Variants in DAZAP1 observed in about 807,000 individuals in gnomAD.
DAZAP1 encodes DAZ-associated protein 1.
DAZAP1 carries 6 observed loss-of-function variants against 60.1 expected under a neutral mutation model. That is an observed-to-expected ratio of 0.10 (90% CI 0.05 to 0.20). The LOEUF (loss-of-function observed/expected upper bound fraction) is 0.20, where lower values mean the gene tolerates loss of function less well. Ranked by LOEUF, DAZAP1 falls within the 10% of genes least tolerant of loss-of-function variation. The pLI, the probability that DAZAP1 is intolerant of heterozygous loss-of-function variation, is 1.00. For synonymous variants in DAZAP1, 235 were observed against 215.9 expected, an observed-to-expected ratio of 1.09 and a Z score of -0.78; for missense variants, 366 against 560.4, an observed-to-expected ratio of 0.65 and a Z score of 3.50.
chr19:1,431,714 C>T (rs1417542147), intron 10 of DAZAP1, among the ~76,000 whole-genome samples: 1 of 152,214 alleles, frequency 6.6e-6, no homozygotes, highest in Non-Finnish European at 1.5e-5. Context: ...TTGGCACCCT[C>T]CAGTAGAGAA....
Position 1,426,942 on chromosome 19 carries a change from G to A in DAZAP1, c.546+982G>A, listed in dbSNP as rs1034411739. ...ATTAAAATGTCCTGGAGGGAGCATCGTGCTCATTATCTCCTGCCCCTGCCC... is the reference window on the plus strand; with the variant it reads ...ATTAAAATGTCCTGGAGGGAGCATCATGCTCATTATCTCCTGCCCCTGCCC... On this transcript the variant is annotated intron_variant, in intron 7 of 11. Transcript: ENST00000233078. The surrounding 1 kb of genome is among the most constrained non-coding windows in gnomAD (Gnocchi z 5.4). The A allele has an allele frequency of 6.6e-6, 1 of 152,174 alleles. No individual in the cohort carries two copies. Among genetic ancestry groups the A allele is most frequent in the South Asian group, 2.1e-4 (1 of 4,826 alleles). The allele number at this position is 152,174 out of a possible 1,614,324, so 9.4% of individuals were successfully genotyped here. A position where few individuals can be genotyped will look rare whatever the true frequency, so the allele number is the denominator to read the frequency against.
chr19:1,414,799 T>A lies in DAZAP1; in HGVS notation c.30-2701T>A, dbSNP rs182454342. 1.9e-3 allele frequency among the ~76,000 whole-genome samples: 284 copies of A among 152,138 alleles called. 3 individuals carry two copies. Among genetic ancestry groups the A allele is most frequent in the African/African-American group, 6.5e-3 (271 of 41,548 alleles). ...TGTATTTGAGTATTTTTTATTTTTT[T>A]AATTTTATTTAAGAGTATTTTTTAT... On this transcript the variant is annotated intron_variant, in intron 1 of 11. Coordinates refer to ENST00000233078, the MANE Select transcript of DAZAP1 (RefSeq NM_018959.4).
intron 1 of DAZAP1, among the ~76,000 whole-genome samples, chr19:1,413,568 T>G (rs1344778052): frequency 6.6e-6 from 1 of 152,222 alleles, no homozygotes; most frequent in African/African-American, 2.4e-5. Flanking sequence ...CGCCGGTGGC[T>G]CCTGAGTGGT....
chr19:1,433,968 C>T lies in DAZAP1; in HGVS notation c.1049-769C>T, dbSNP rs377373702. 1.1e-5 allele frequency: 8 copies of T among 719,658 alleles called. No individual in the cohort carries two copies. The highest frequency in any genetic ancestry group is 3.3e-4 in the Middle Eastern group (1 of 3,016). 44.6% of individuals were successfully genotyped at this position (719,658 alleles called of 1,614,324 possible). A position where few individuals can be genotyped will look rare whatever the true frequency, so the allele number is the denominator to read the frequency against. ...CCCTTGCCGGTGCCAAGACATTGGC[C>T]ACAAGCCTTCAGCGGGCCCAGGATC... is the stretch of plus-strand genomic sequence containing the variant. On this transcript the variant is annotated intron_variant, in intron 11 of 11. Coordinates refer to ENST00000233078, the MANE Select transcript of DAZAP1 (RefSeq NM_018959.4). This position sits in a 1 kb window ranked among gnomAD's most constrained non-coding sequence, Gnocchi z 6.1.
intron 5 of DAZAP1, among the ~76,000 whole-genome samples, chr19:1,421,872 A>T (rs950046266): frequency 6.6e-6 from 1 of 152,082 alleles, no homozygotes; most frequent in African/African-American, 2.4e-5. Flanking sequence ...CTGGGCCAGG[A>T]ATGAGAGGCC....
chr19:1,414,924 G>A (rs77822141), intron 1 of DAZAP1, among the ~76,000 whole-genome samples: 140 of 151,372 alleles, frequency 9.2e-4, no homozygotes, highest in African/African-American at 3.3e-3. Flanking sequence ...TGACTCAAAC[G>A]ATCCTTCTGC....
At position 1,434,866 on chromosome 19, in the gene DAZAP1, G is replaced by A. The variant is rs1178944320; in HGVS notation, c.1178G>A (p.Arg393Gln). Residue 393 changes from arginine to glutamine, a missense_variant, in exon 12 of 12, where the codon CGA becomes CAA. Coordinates refer to ENST00000233078, the MANE Select transcript of DAZAP1 (RefSeq NM_018959.4). This position sits in a 1 kb window ranked among gnomAD's most constrained non-coding sequence, Gnocchi z 8.0. ...GPPAGGSGFG[R>Q]GQNHNVQGFH... The stretch of plus-strand genomic sequence containing the variant: ...CCCGCCGGCGGCAGCGGCTTTGGAC[G>A]AGGGCAGAACCACAACGTGCAAGGG... 6.3e-7 allele frequency: 1 copy of A among 1,599,226 alleles called. No individual in the cohort carries two copies. Among genetic ancestry groups the A allele is most frequent in the Non-Finnish European group, 8.5e-7 (1 of 1,173,302 alleles).
At position 1,418,165 on chromosome 19, in the gene DAZAP1, G is replaced by C. The variant is rs780810739; in HGVS notation, c.71-39G>C. The C allele has an allele frequency of 6.2e-7, 1 of 1,611,226 alleles. No homozygotes were observed. Among genetic ancestry groups the C allele is most frequent in the South Asian group, 1.1e-5 (1 of 90,836 alleles). ...TGCCAGGCACGTGCCTAATGCTCTG[G>C]CCCTGTGTGTTTGTGTTTTCTTCCC... is the stretch of plus-strand genomic sequence containing the variant. On this transcript the variant is annotated intron_variant, in intron 2 of 11. Transcript: ENST00000233078. The surrounding 1 kb of genome is among the most constrained non-coding windows in gnomAD (Gnocchi z 5.7).
In DAZAP1 at chr19:1,424,142, C is replaced by T. The variant is rs565223217; in HGVS notation, c.464-1736C>T. ...GTCATGGCCATGTCCCTGTCAGGGA[C>T]CCCGCCTGTGTCTCGGGCACACAGT... On this transcript the variant is annotated intron_variant, in intron 6 of 11. Transcript: ENST00000233078. Among the ~76,000 whole-genome samples the T allele has an allele frequency of 1.2e-4, 18 of 151,968 alleles. No individual in the cohort carries two copies. The East Asian group carries it at 3.3e-3, about 28-fold the overall frequency.
At chr19:1,413,433 A>G (rs944966755) in intron 1 of DAZAP1, among the ~76,000 whole-genome samples, 5 of 152,220 alleles carry the variant, frequency 3.3e-5, no homozygotes, top group African/African-American at 9.6e-5. Flanking sequence ...TGATTAAAAC[A>G]TCCTGAGATT....
intron 1 of DAZAP1, 172 bp from the exon 2 acceptor site, chr19:1,417,328 C>T: frequency 8.3e-6 from 6 of 722,864 alleles, no homozygotes; most frequent in Non-Finnish European, 1.4e-5. Context: ...CTGCAGACAG[C>T]ATGGGCGAGG....
At chr19:1,417,116 A>G in intron 1 of DAZAP1, 1 of 260,270 alleles carries the variant, frequency 3.8e-6, no homozygotes, top group Non-Finnish European at 7.4e-6. Context: ...GTAGACTTCT[A>G]CATTCTTTTT....
intron 8 of DAZAP1, 87 bp downstream of exon 8, chr19:1,429,082 C>G: frequency 1.4e-6 from 2 of 1,416,798 alleles, no homozygotes; most frequent in Non-Finnish European, 1.9e-6. Flanking sequence ...GCTGCGGCCT[C>G]CCCACCTCTG....
At chr19:1,414,493 T>A (rs1003145803) in intron 1 of DAZAP1, among the ~76,000 whole-genome samples, 1 of 152,096 alleles carries the variant, frequency 6.6e-6, no homozygotes, top group African/African-American at 2.4e-5. Flanking sequence ...ACGCCTGTCA[T>A]CCCAGCACTT....
At position 1,432,825 on chromosome 19, in the gene DAZAP1, G is replaced by C. The variant is rs1246168712; in HGVS notation, c.1048+135G>C. The C allele has an allele frequency of 6.5e-6, 7 of 1,076,102 alleles. No homozygotes were observed. Among genetic ancestry groups the C allele is most frequent in the Middle Eastern group, 2.3e-4 (1 of 4,282 alleles). The allele number at this position is 1,076,102 out of a possible 1,614,324, so 66.7% of individuals were successfully genotyped here. On this transcript the variant is annotated intron_variant, in intron 11 of 11. Transcript: ENST00000233078. This position sits in a 1 kb window ranked among gnomAD's most constrained non-coding sequence, Gnocchi z 4.9. ...GGAAAGGGGAGAGGGAGGAGAGGGG[G>C]GTGTGGGGGTTGTTGGAGAGATCTC...
At chr19:1,414,992 C>T (rs927651417) in intron 1 of DAZAP1, among the ~76,000 whole-genome samples, 1 of 151,644 alleles carries the variant, frequency 6.6e-6, no homozygotes, top group Non-Finnish European at 1.5e-5. Context: ...AGTCTCGTTA[C>T]GTTGCCCAGG....
At position 1,432,716 on chromosome 19, in the gene DAZAP1, T is replaced by C; in HGVS notation, c.1048+26T>C. 6.4e-7 allele frequency: 1 copy of C among 1,565,586 alleles called. No individual in the cohort carries two copies. Among genetic ancestry groups the C allele is most frequent in the Non-Finnish European group, 8.7e-7 (1 of 1,152,648 alleles). On this transcript the variant is annotated intron_variant, in intron 11 of 11. Transcript: ENST00000233078. This position sits in a 1 kb window ranked among gnomAD's most constrained non-coding sequence, Gnocchi z 4.9. ...GTAAGTGGTCTCCTGCCATGCCGCG[T>C]CCCCGCTGGCCCCAGGACCCTGGGC...
At chr19:1,413,713 G>T (rs1055741163) in intron 1 of DAZAP1, among the ~76,000 whole-genome samples, 79 of 152,322 alleles carry the variant, frequency 5.2e-4, no homozygotes, top group African/African-American at 1.9e-3. Flanking sequence ...GAGGCGGGCG[G>T]GTCACCTGCG....
chr19:1,430,269 C>CCCCCCGTGAA lies in DAZAP1; in HGVS notation c.779_780insCCCCGTGAAC (p.Phe262ValfsTer168). ...AGGAAGAGGAGCCCCCCCGCCACCC[C>CCCCCCGTGAA]CACCGTTCACCTCCTACATCGTGTC... is the stretch of plus-strand genomic sequence containing the variant. On this transcript the variant is annotated frameshift_variant, in exon 10 of 12. Coordinates refer to ENST00000233078, the MANE Select transcript of DAZAP1 (RefSeq NM_018959.4). LOFTEE classifies it high-confidence loss of function. 1.5e-6 allele frequency: 2 copies of CCCCCCGTGAA among 1,356,186 alleles called. No homozygotes were observed. The highest frequency in any genetic ancestry group is 1.3e-5 in the South Asian group (1 of 76,536). 84.0% of individuals were successfully genotyped at this position (1,356,186 alleles called of 1,614,324 possible). A position where few individuals can be genotyped will look rare whatever the true frequency, so the allele number is the denominator to read the frequency against.
Sources: allele counts gnomAD v4.1 joint callset (sites outside exome capture counted in the v4.1 genomes callset), GRCh38; gene constraint gnomAD v4.1.1; non-coding constraint Gnocchi (gnomAD v3.1); transcripts MANE v1.5; gene names NCBI Gene and HGNC (gene_info 2026-07-23, HGNC 2026-07-21).